GRID1: variants seen among roughly 807,000 people sequenced by gnomAD.
GRID1 encodes the protein glutamate receptor ionotropic, delta-1.
Under a neutral mutation model 98.0 loss-of-function variants are expected in GRID1, and 28 were observed. The observed-to-expected ratio is 0.29, with a 90% confidence interval of 0.21 to 0.39. The LOEUF is 0.39. GRID1 is among the 10% of genes least tolerant of loss of function. The probability of loss-of-function intolerance (pLI) is 1.00; values close to 1 mark genes in which losing one functional copy is unlikely to be tolerated. For missense variants in GRID1, 1,111 were observed against 1,340.5 expected (o/e 0.83, Z 2.67); for synonymous variants, 553 against 538.5 (o/e 1.03, Z -0.37).
chr10:86,167,626 C>G (rs1845419229), intron 3 of GRID1, among the ~76,000 whole-genome samples: 1 of 152,176 alleles, frequency 6.6e-6, no homozygotes, highest in Non-Finnish European at 1.5e-5. Context: ...TCCCCACGGC[C>G]AGGCAGGGTC....
chr10:86,110,123 C>T (rs1291796645), intron 4 of GRID1, among the ~76,000 whole-genome samples: 1 of 152,086 alleles, frequency 6.6e-6, no homozygotes, highest in African/African-American at 2.4e-5. Context: ...CAGGCACGTG[C>T]CACCACGCCT....
intron 4 of GRID1, among the ~76,000 whole-genome samples, chr10:85,975,934 T>C (rs1052898241): frequency 1.1e-4 from 17 of 152,204 alleles, no homozygotes; most frequent in Admixed American, 8.5e-4. Flanking sequence ...AAATCTGTCA[T>C]TTAGAACTAG....
intron 3 of GRID1, among the ~76,000 whole-genome samples, chr10:86,181,630 G>A (rs924826675): frequency 6.6e-6 from 1 of 152,136 alleles, no homozygotes; most frequent in Non-Finnish European, 1.5e-5. Context: ...GGCATATGGT[G>A]AAAAGTATGG....
At chr10:86,297,536 TTATC>T (rs1308279407) in intron 2 of GRID1, among the ~76,000 whole-genome samples, 1 of 152,158 alleles carries the variant, frequency 6.6e-6, no homozygotes, top group Non-Finnish European at 1.5e-5. Flanking sequence ...AAGGAAAAAT[TTATC>T]TATTCCTTGG....
At chr10:86,050,046 T>G (rs1208289979) in intron 4 of GRID1, among the ~76,000 whole-genome samples, 1 of 152,200 alleles carries the variant, frequency 6.6e-6, no homozygotes, top group Admixed American at 6.5e-5. Flanking sequence ...ATGGCATCCA[T>G]GCACACACAC....
At chr10:86,298,927 T>A (rs1475967716) in intron 2 of GRID1, among the ~76,000 whole-genome samples, 6 of 152,118 alleles carry the variant, frequency 3.9e-5, no homozygotes, top group Admixed American at 3.9e-4. Flanking sequence ...GGGTGGCACG[T>A]GAGGAAGGAG....
intron 5 of GRID1, among the ~76,000 whole-genome samples, chr10:85,891,476 G>A (rs1429275724): frequency 2.6e-5 from 4 of 152,154 alleles, no homozygotes; most frequent in Non-Finnish European, 5.9e-5. Context: ...GCTGGCTGTG[G>A]TGGATTAATA....
intron 4 of GRID1, among the ~76,000 whole-genome samples, chr10:86,041,560 C>T (rs911082755): frequency 6.6e-6 from 1 of 152,140 alleles, no homozygotes; most frequent in African/African-American, 2.4e-5. Flanking sequence ...CCTGGAGCAG[C>T]CTGAGTATCC....
chr10:85,692,046 T>C (rs1841339425), intron 12 of GRID1, among the ~76,000 whole-genome samples: 1 of 152,140 alleles, frequency 6.6e-6, no homozygotes, highest in African/African-American at 2.4e-5. Context: ...TCCTTCTTGG[T>C]GGTTTCGTCA....
rs115773453 is a variant in GRID1, at chr10:85,636,160, C to A, written c.2193+11042G>T. ...TGATTGTCCAAACATTGACATAAGGCCCCAGTGGAGGAAAGGAAGACCCCG... is the reference window on the plus strand; with the variant it reads ...TGATTGTCCAAACATTGACATAAGGACCCAGTGGAGGAAAGGAAGACCCCG... On this transcript the variant is annotated intron_variant, in intron 13 of 15. Transcript: ENST00000327946. 3.7e-3 allele frequency among the ~76,000 whole-genome samples: 562 copies of A among 152,256 alleles called. 7 individuals are homozygous for A. Among genetic ancestry groups the A allele is most frequent in the African/African-American group, 0.013 (540 of 41,552 alleles).
chr10:86,069,442 A>T (rs976465079), intron 4 of GRID1, among the ~76,000 whole-genome samples: 24 of 152,070 alleles, frequency 1.6e-4, no homozygotes, highest in African/African-American at 4.6e-4. Flanking sequence ...AGGTCAGGAG[A>T]TCGAGACCAC....
chr10:86,172,310 G>A (rs1406398861), intron 3 of GRID1, among the ~76,000 whole-genome samples: 1 of 152,112 alleles, frequency 6.6e-6, no homozygotes, highest in Non-Finnish European at 1.5e-5. Context: ...AAGGTTCATC[G>A]CTACCCTAGC....
At chr10:86,050,563 A>G (rs1222922496) in intron 4 of GRID1, among the ~76,000 whole-genome samples, 1 of 152,188 alleles carries the variant, frequency 6.6e-6, no homozygotes, top group African/African-American at 2.4e-5. Flanking sequence ...GATGAATTTG[A>G]AGATTTAGCA....
chr10:86,171,645 A>G (rs2131993645), intron 3 of GRID1, among the ~76,000 whole-genome samples: 1 of 152,302 alleles, frequency 6.6e-6, no homozygotes, highest in South Asian at 2.1e-4. Context: ...TGTCTAAAAG[A>G]TTTCCAAGCT....
intron 12 of GRID1, among the ~76,000 whole-genome samples, chr10:85,655,391 C>A (rs1840883321): frequency 6.6e-6 from 1 of 152,224 alleles, no homozygotes; most frequent in Non-Finnish European, 1.5e-5. Flanking sequence ...CTTGAGCTCC[C>A]CCAGGGAATG....
chr10:85,770,808 A>T (rs971579760), intron 8 of GRID1, among the ~76,000 whole-genome samples: 1 of 152,216 alleles, frequency 6.6e-6, no homozygotes, highest in African/African-American at 2.4e-5. Context: ...AAAGCCTCCA[A>T]GAAATATGGG....
intron 12 of GRID1, among the ~76,000 whole-genome samples, chr10:85,688,987 G>C (rs1841301948): frequency 6.6e-6 from 1 of 152,076 alleles, no homozygotes; most frequent in Non-Finnish European, 1.5e-5. Flanking sequence ...CAGCTTGTCA[G>C]GTTTCATTTA....
chr10:86,114,387 T>C lies in GRID1; in HGVS notation c.726+24432A>G, dbSNP rs376733971. ...GTGGCAGTCAGGGAACACCACAAACTGCCCTCTAACTGTTCCTCTGCCAGT... is the reference window on the plus strand; with the variant it reads ...GTGGCAGTCAGGGAACACCACAAACCGCCCTCTAACTGTTCCTCTGCCAGT... On this transcript the variant is annotated intron_variant, in intron 4 of 15. Coordinates refer to ENST00000327946, the MANE Select transcript of GRID1 (RefSeq NM_017551.3). Among the ~76,000 whole-genome samples the C allele has an allele frequency of 1.2e-4, 18 of 152,164 alleles. No individual in the cohort carries two copies. The East Asian group carries it at 3.3e-3, about 28-fold the overall frequency.
chr10:85,703,540 G>A (rs1187074593), intron 12 of GRID1, among the ~76,000 whole-genome samples: 9 of 151,638 alleles, frequency 5.9e-5, no homozygotes, highest in Admixed American at 3.9e-4. Flanking sequence ...AGGAGAGGAG[G>A]AAAAAAGGTA....
Sources: allele counts gnomAD v4.1 joint callset (sites outside exome capture counted in the v4.1 genomes callset), GRCh38; gene constraint gnomAD v4.1.1; transcripts MANE v1.5; gene names NCBI Gene and HGNC (gene_info 2026-07-23, HGNC 2026-07-21).